ANKRD13C: variants seen among roughly 807,000 people sequenced by gnomAD.
ANKRD13C encodes the protein ankyrin repeat domain-containing protein 13C.
In ANKRD13C, 16 loss-of-function variants were observed where a neutral mutation model predicts 65.5. That is an observed-to-expected ratio of 0.24 (90% CI 0.17 to 0.37). The LOEUF is 0.37. ANKRD13C is among the 10% of genes least tolerant of loss of function. The pLI is 1.00. For synonymous variants in ANKRD13C, 235 were observed against 238.7 expected, an observed-to-expected ratio of 0.98 and a Z score of 0.14; for missense variants, 503 against 655.9, an observed-to-expected ratio of 0.77 and a Z score of 2.55.
At chr1:70,290,708 ATTTTTAAT>A (rs1416068453) in intron 9 of ANKRD13C, among the ~76,000 whole-genome samples, 1 of 151,752 alleles carries the variant, frequency 6.6e-6, no homozygotes, top group East Asian at 1.9e-4. Flanking sequence ...CGCACAGCTG[ATTTTTAAT>A]TTTTTAATTT....
chr1:70,281,867 T>C (rs1679407642), intron 9 of ANKRD13C, among the ~76,000 whole-genome samples: 1 of 150,858 alleles, frequency 6.6e-6, no homozygotes, highest in Non-Finnish European at 1.5e-5. Flanking sequence ...GCCAACATGG[T>C]GAAACCCCGT....
Position 70,274,733 on chromosome 1 carries a change from A to G in ANKRD13C, c.1381T>C (p.Leu461=), listed in dbSNP as rs755984490. Residue 461 remains leucine, a synonymous_variant, in exon 11 of 13, where the codon TTA becomes CTA. Coordinates refer to ENST00000370944, the MANE Select transcript of ANKRD13C (RefSeq NM_030816.5). ...ATIAMSQEFP[L]GIELLLNVLE... ...TAACAAACTTACAACTCTATCCCTA[A>G]GGGAAATTCCTGGCTCATGGCTATC... The G allele has an allele frequency of 2.5e-6, 4 of 1,611,616 alleles. No homozygotes were observed. The highest frequency in any genetic ancestry group is 3.4e-6 in the Non-Finnish European group (4 of 1,177,796).
chr1:70,339,859 T>G (rs1682232618), intron 1 of ANKRD13C, among the ~76,000 whole-genome samples: 1 of 136,308 alleles, frequency 7.3e-6, no homozygotes, highest in Non-Finnish European at 1.6e-5. Context: ...TTATTATTAT[T>G]ATTATTTTGA....
intron 3 of ANKRD13C, among the ~76,000 whole-genome samples, chr1:70,322,548 T>C (rs1681355061): frequency 6.6e-6 from 1 of 152,188 alleles, no homozygotes; most frequent in Non-Finnish European, 1.5e-5. Flanking sequence ...TTGTTAAATA[T>C]CCTTTAACTA....
At chr1:70,340,861 C>T (rs1301849770) in intron 1 of ANKRD13C, among the ~76,000 whole-genome samples, 3 of 152,052 alleles carry the variant, frequency 2.0e-5, no homozygotes, top group African/African-American at 4.8e-5. Flanking sequence ...GCCTGTAATC[C>T]CAGCACTTTT....
chr1:70,282,880 AT>A (rs1465069655), intron 9 of ANKRD13C, among the ~76,000 whole-genome samples: 1 of 152,066 alleles, frequency 6.6e-6, no homozygotes, highest in African/African-American at 2.4e-5. Context: ...TATATATAAC[AT>A]TTTCATGGTA....
chr1:70,277,323 T>G lies in ANKRD13C; in HGVS notation c.1216-479A>C, dbSNP rs374387462. 3.9e-5 allele frequency among the ~76,000 whole-genome samples: 6 copies of G among 152,180 alleles called. No individual in the cohort carries two copies. The East Asian group carries it at 9.7e-4, about 24-fold the overall frequency. The stretch of plus-strand genomic sequence containing the variant: ...ATGCAAAAGAATTATCCGGGCGTGA[T>G]GGTGAGTGCCTGTAATCCCAGCTAC... On this transcript the variant is annotated intron_variant, in intron 9 of 12. Coordinates refer to ENST00000370944, the MANE Select transcript of ANKRD13C (RefSeq NM_030816.5).
intron 9 of ANKRD13C, among the ~76,000 whole-genome samples, chr1:70,278,451 C>T (rs1430327250): frequency 6.6e-6 from 1 of 150,632 alleles, no homozygotes; most frequent in Non-Finnish European, 1.5e-5. Flanking sequence ...TGAGATCACA[C>T]CACTGCACTC....
chr1:70,267,359 GTT>G (rs1491538060), intron 12 of ANKRD13C, among the ~76,000 whole-genome samples: 1 of 151,990 alleles, frequency 6.6e-6, no homozygotes, highest in Non-Finnish European at 1.5e-5. Context: ...TTGGATCATG[GTT>G]TTTGTTTTGT....
chr1:70,347,240 C>T (rs1000818314), intron 1 of ANKRD13C, among the ~76,000 whole-genome samples: 1 of 152,084 alleles, frequency 6.6e-6, no homozygotes, highest in Non-Finnish European at 1.5e-5. Flanking sequence ...AACTGATCAC[C>T]CAGCTCTCCC....
chr1:70,341,018 G>A (rs918676384), intron 1 of ANKRD13C, among the ~76,000 whole-genome samples: 2 of 152,140 alleles, frequency 1.3e-5, no homozygotes, highest in Admixed American at 6.5e-5. Context: ...GCTGAGGCAG[G>A]AGAATCACTT....
intron 11 of ANKRD13C, among the ~76,000 whole-genome samples, chr1:70,274,481 A>AG (rs1369638334): frequency 2.0e-5 from 3 of 149,026 alleles, no homozygotes; most frequent in East Asian, 3.9e-4. Context: ...CTCAAAAAAA[A>AG]AAAAAAAAAA....
chr1:70,285,958 A>C (rs536881519), intron 9 of ANKRD13C, among the ~76,000 whole-genome samples: 1 of 152,252 alleles, frequency 6.6e-6, no homozygotes, highest in African/African-American at 2.4e-5. Flanking sequence ...TACTTCTAAA[A>C]TTATAAACAA....
chr1:70,317,486 C>T (rs773779126), intron 3 of ANKRD13C, among the ~76,000 whole-genome samples: 7 of 151,772 alleles, frequency 4.6e-5, no homozygotes, highest in Non-Finnish European at 7.4e-5. Context: ...ATGTGGATCA[C>T]AAAAGACAGT....
chr1:70,342,723 AACACACACACACAATAACAC>A (rs71912521), intron 1 of ANKRD13C, among the ~76,000 whole-genome samples: 26,333 of 147,288 alleles, frequency 0.18, 2,468 homozygotes, highest in Middle Eastern at 0.27. Flanking sequence ...TAAAGAAAGA[AACACACACACACAATAACAC>A]ACACACACAC....
Position 70,260,723 on chromosome 1 carries a change from C to A in ANKRD13C, c.*1994G>T, listed in dbSNP as rs1015306891. 1 of 152,024 alleles carries A rather than the reference C, an allele frequency of 6.6e-6. No individual in the cohort carries two copies. The highest frequency in any genetic ancestry group is 1.5e-5 in the Non-Finnish European group (1 of 67,956). 9.4% of individuals were successfully genotyped at this position (152,024 alleles called of 1,614,324 possible). On this transcript the variant is annotated 3_prime_UTR_variant, in exon 13 of 13. Coordinates refer to ENST00000370944, the MANE Select transcript of ANKRD13C (RefSeq NM_030816.5). ...TTTTGGAATGGATAATCTGTTTCTA[C>A]CATTCTTTAAAGAAAAAAGCTTTAA...
chr1:70,348,523 T>A (rs1682623375), intron 1 of ANKRD13C, among the ~76,000 whole-genome samples: 1 of 152,194 alleles, frequency 6.6e-6, no homozygotes, highest in Non-Finnish European at 1.5e-5. Context: ...CGCCTTGGCC[T>A]CCCAAAGTGC....
At chr1:70,313,326 C>A (rs1680926397) in intron 5 of ANKRD13C, among the ~76,000 whole-genome samples, 1 of 152,006 alleles carries the variant, frequency 6.6e-6, no homozygotes, top group African/African-American at 2.4e-5. Context: ...CCCAGGTGTT[C>A]TAGACCAGCC....
At chr1:70,344,413 G>A (rs1035243172) in intron 1 of ANKRD13C, among the ~76,000 whole-genome samples, 6 of 151,270 alleles carry the variant, frequency 4.0e-5, no homozygotes, top group Admixed American at 2.6e-4. Context: ...CTGCAGAGTC[G>A]TGGTCACACT....
Sources: allele counts gnomAD v4.1 joint callset (sites outside exome capture counted in the v4.1 genomes callset), GRCh38; gene constraint gnomAD v4.1.1; transcripts MANE v1.5; gene names NCBI Gene and HGNC (gene_info 2026-07-23, HGNC 2026-07-21).